The following INSC variants were observed in gnomAD, a reference collection of about 807,000 sequenced individuals.
INSC encodes protein inscuteable homolog.
Under a neutral mutation model 58.6 loss-of-function variants are expected in INSC, and 67 were observed. That is an observed-to-expected ratio of 1.14 (90% CI 0.94 to 1.40). The LOEUF (loss-of-function observed/expected upper bound fraction) is 1.40. Among genes scored for constraint, INSC ranks in the 40% most tolerant of loss-of-function variants. INSC has a pLI of 0.00. For missense variants in INSC, 714 were observed against 692.0 expected, an observed-to-expected ratio of 1.03 and a Z score of -0.36; for synonymous variants, 262 against 276.1, an observed-to-expected ratio of 0.95 and a Z score of 0.51.
At chr11:15,251,889 C>G (rs988311505), downstream of INSC, among the ~76,000 whole-genome samples, 41 of 152,154 alleles carry the variant, frequency 2.7e-4, no homozygotes, top group African/African-American at 9.4e-4. Flanking sequence ...GGTATATGTT[C>G]AAAAGAAATG....
In INSC at chr11:15,225,708, C is replaced by A; in HGVS notation, c.1050C>A (p.Ala350=). The change falls in exon 9 of 13, where the codon GCC becomes GCA. Residue 350 remains alanine, a synonymous_variant. Transcript: ENST00000379556. The stretch of plus-strand genomic sequence containing the variant: ...TCCTACTGGCCTCTGCGGCCCTTGC[C>A]AACATCACGTTCTTTGACACAATGG... ...EVFLLASAAL[A]NITFFDTMAC... 6.2e-7 allele frequency: 1 copy of A among 1,614,166 alleles called. No homozygotes were observed. Among genetic ancestry groups the A allele is most frequent in the East Asian group, 2.2e-5 (1 of 44,872 alleles).
chr11:15,182,556 G>A (rs73424600), intron 5 of INSC, among the ~76,000 whole-genome samples: 2,568 of 152,184 alleles, frequency 0.017, 73 homozygotes, highest in African/African-American at 0.058. Flanking sequence ...TTCTTTACTA[G>A]GACTTGCTTG....
At chr11:15,269,130 C>T in the INSC span, among the ~76,000 whole-genome samples, 2 of 151,946 alleles carry the variant, frequency 1.3e-5, no homozygotes, top group Non-Finnish European at 1.5e-5. Context: ...ATTTTGTTTT[C>T]AAAGGTATAT....
At chr11:15,146,675 T>A (rs1848500775) in intron 1 of INSC, among the ~76,000 whole-genome samples, 1 of 152,246 alleles carries the variant, frequency 6.6e-6, no homozygotes, top group South Asian at 2.1e-4. Flanking sequence ...TTTTGCCTTG[T>A]TCCTGCTGTG....
In INSC at chr11:15,175,959, G is replaced by T. The variant is rs762534874; in HGVS notation, c.275G>T (p.Gly92Val). The T allele has an allele frequency of 1.9e-6, 3 of 1,613,916 alleles. No homozygotes were observed. The highest frequency in any genetic ancestry group is 1.7e-6 in the Non-Finnish European group (2 of 1,179,930). ...WVISTELRRI[G>V]QKLAQDRWAR... ...ATTAGCACAGAGCTGCGCAGGATCG[G>T]GCAGAAGCTGGCCCAGGACCGCTGG... The change falls in exon 3 of 13, where the codon GGG becomes GTG. Residue 92 changes from glycine to valine, a missense_variant. Gly to Val is a moderately radical substitution (Grantham distance 109). Coordinates refer to ENST00000379556, the MANE Select transcript of INSC (RefSeq NM_001042536.3).
chr11:15,198,528 G>A (rs1333757559), intron 6 of INSC, among the ~76,000 whole-genome samples: 2 of 152,104 alleles, frequency 1.3e-5, no homozygotes, highest in East Asian at 3.9e-4. Flanking sequence ...CGTTGGCACT[G>A]TTTCTTCATT....
chr11:15,197,981 C>T (rs138236301), intron 6 of INSC, among the ~76,000 whole-genome samples: 42 of 150,442 alleles, frequency 2.8e-4, no homozygotes, highest in African/African-American at 1.0e-3. Flanking sequence ...CCATTCCCAG[C>T]TTCACTCCAG....
intron 6 of INSC, 39 bp downstream of exon 6, chr11:15,190,853 G>C: frequency 1.5e-6 from 2 of 1,324,202 alleles, no homozygotes; most frequent in Non-Finnish European, 2.2e-6. Flanking sequence ...GCAGGCCTGG[G>C]GAAGTATGAG....
At chr11:15,262,348 T>G in the INSC span, among the ~76,000 whole-genome samples, 16 of 152,118 alleles carry the variant, frequency 1.1e-4, no homozygotes, top group Non-Finnish European at 1.5e-5. Context: ...AGGCAAGTTT[T>G]TACCATAAAG....
intron 12 of INSC, among the ~76,000 whole-genome samples, 194 bp downstream of exon 12, chr11:15,240,717 G>C (rs1355553661): frequency 6.6e-6 from 1 of 152,132 alleles, no homozygotes; most frequent in East Asian, 1.9e-4. Flanking sequence ...AAAATTATAT[G>C]AGGTCATATG....
At chr11:15,193,222 A>G (rs1311194172) in intron 6 of INSC, among the ~76,000 whole-genome samples, 2 of 152,246 alleles carry the variant, frequency 1.3e-5, no homozygotes, top group East Asian at 3.8e-4. Flanking sequence ...ATTCCAAATT[A>G]TTTAGAAAAG....
chr11:15,219,817 T>G (rs1564910475), intron 7 of INSC, among the ~76,000 whole-genome samples: 1 of 152,192 alleles, frequency 6.6e-6, no homozygotes, highest in Non-Finnish European at 1.5e-5. Context: ...GAAAGCCAGA[T>G]GGAGTAAGAG....
intron 2 of INSC, among the ~76,000 whole-genome samples, chr11:15,154,778 G>C (rs76669408): frequency 2.7e-4 from 40 of 150,808 alleles, no homozygotes; most frequent in African/African-American, 9.7e-4. Context: ...CTAAGTCTGT[G>C]AATAAGTTTT....
chr11:15,195,570 G>C (rs546825977), intron 6 of INSC, among the ~76,000 whole-genome samples: 1 of 152,290 alleles, frequency 6.6e-6, no homozygotes, highest in East Asian at 1.9e-4. Flanking sequence ...CCACCTGCCT[G>C]CATTTGTGCT....
At chr11:15,266,693 A>G in the INSC span, among the ~76,000 whole-genome samples, 15 of 152,150 alleles carry the variant, frequency 9.9e-5, no homozygotes, top group African/African-American at 3.6e-4. Context: ...GCACACATAC[A>G]AAGTGGAAAG....
chr11:15,232,887 A>T (rs898635557), intron 9 of INSC, among the ~76,000 whole-genome samples: 1 of 152,222 alleles, frequency 6.6e-6, no homozygotes, highest in Admixed American at 6.5e-5. Context: ...TTTCCCCTAG[A>T]GCCCCCAGAA....
chr11:15,228,139 C>G (rs1851711613), intron 9 of INSC, among the ~76,000 whole-genome samples: 1 of 152,148 alleles, frequency 6.6e-6, no homozygotes, highest in South Asian at 2.1e-4. Context: ...CAATGGAAGC[C>G]ACTGTCAATG....
chr11:15,194,883 G>T (rs567543441), intron 6 of INSC, among the ~76,000 whole-genome samples: 19 of 152,292 alleles, frequency 1.2e-4, no homozygotes, highest in African/African-American at 4.6e-4. Context: ...TGACTCAGGA[G>T]TTCTCAATCC....
rs565110067 is a variant in INSC, at chr11:15,163,783, A to G, written c.57-11958A>G. 4.5e-4 allele frequency among the ~76,000 whole-genome samples: 68 copies of G among 152,208 alleles called. 2 individuals are homozygous for G. In the South Asian group the frequency reaches 0.013, roughly 30 times the overall value. On this transcript the variant is annotated intron_variant, in intron 2 of 12. Coordinates refer to ENST00000379556, the MANE Select transcript of INSC (RefSeq NM_001042536.3). ...TAATTTTCTGTATTTTAGTAGAGAC[A>G]AGGTTTCACCATATTAGCCAGGATG... is the stretch of plus-strand genomic sequence containing the variant.
Sources: allele counts gnomAD v4.1 joint callset (sites outside exome capture counted in the v4.1 genomes callset), GRCh38; gene constraint gnomAD v4.1.1; transcripts MANE v1.5; gene names NCBI Gene and HGNC (gene_info 2026-07-23, HGNC 2026-07-21).